Variants in BBS9 observed in about 807,000 individuals in gnomAD.
BBS9 encodes Bardet-Biedl syndrome 9, also known as protein PTHB1.
In BBS9, 89 loss-of-function variants were observed where a neutral mutation model predicts 117.7. The observed-to-expected ratio is 0.76, with a 90% CI of 0.64 to 0.90. BBS9 has a LOEUF of 0.90. Ranked by LOEUF, BBS9 falls within the 40% of genes least tolerant of loss-of-function variation. The probability of loss-of-function intolerance (pLI) is 0.00; values close to 1 mark genes in which losing one functional copy is unlikely to be tolerated. For synonymous variants in BBS9, 379 were observed against 370.9 expected, an observed-to-expected ratio of 1.02 and a Z score of -0.25; for missense variants, 982 against 1,042.2, an observed-to-expected ratio of 0.94 and a Z score of 0.80.
chr7:33,156,150 A>T (rs1333986597), intron 4 of BBS9, among the ~76,000 whole-genome samples: 1 of 152,138 alleles, frequency 6.6e-6, no homozygotes, highest in Non-Finnish European at 1.5e-5. Flanking sequence ...GGTTGTCTTC[A>T]CTCAGTCAGG....
intron 21 of BBS9, among the ~76,000 whole-genome samples, chr7:33,624,337 C>T (rs1865543634): frequency 1.3e-5 from 2 of 152,174 alleles, no homozygotes; most frequent in Admixed American, 6.5e-5. Flanking sequence ...CACCTCCACC[C>T]TCAACCCTTG....
At chr7:33,166,657 CCCACCTAGCCAGGCGTGGGAT>C (rs1286695579) in intron 4 of BBS9, among the ~76,000 whole-genome samples, 5 of 152,192 alleles carry the variant, frequency 3.3e-5, no homozygotes, top group Admixed American at 2.0e-4. Flanking sequence ...GGGCGTGGGA[CCCACCTAGCCAGGCGTGGGAT>C]CCACCTAGCC....
At chr7:33,294,384 T>C (rs1055075054) in intron 9 of BBS9, among the ~76,000 whole-genome samples, 1 of 151,356 alleles carries the variant, frequency 6.6e-6, no homozygotes, top group East Asian at 1.9e-4. Flanking sequence ...CATCCATCCA[T>C]CCATCCATCC....
intron 14 of BBS9, 90 bp from the exon 15 acceptor site, chr7:33,352,769 T>TA: frequency 7.2e-7 from 1 of 1,398,570 alleles, no homozygotes; most frequent in Non-Finnish European, 1.0e-6. Flanking sequence ...TTTAAGCAGA[T>TA]ATGTGTCAAA....
At chr7:33,181,533 T>C (rs1798096950) in intron 5 of BBS9, among the ~76,000 whole-genome samples, 1 of 152,260 alleles carries the variant, frequency 6.6e-6, no homozygotes, top group African/African-American at 2.4e-5. Flanking sequence ...CAATTTTAGT[T>C]TGATCATAAG....
chr7:33,388,326 A>G (rs1212988755), intron 19 of BBS9, among the ~76,000 whole-genome samples, 182 bp downstream of exon 19: 1 of 152,150 alleles, frequency 6.6e-6, no homozygotes, highest in Non-Finnish European at 1.5e-5. Flanking sequence ...GCTGCTTTCT[A>G]ATTGTGTGAC....
intron 7 of BBS9, among the ~76,000 whole-genome samples, chr7:33,270,226 C>T (rs960329598): frequency 8.5e-5 from 13 of 152,054 alleles, no homozygotes; most frequent in African/African-American, 2.7e-4. Context: ...TCAATTTACA[C>T]CTCACGAAAA....
chr7:33,452,121 A>G (rs1022131793), intron 19 of BBS9, among the ~76,000 whole-genome samples: 1 of 152,152 alleles, frequency 6.6e-6, no homozygotes, highest in Admixed American at 6.5e-5. Flanking sequence ...GGCGTGAGCC[A>G]CTGCACCTGG....
chr7:33,605,071 G>C (rs533091380), intron 22 of BBS9, 96 bp downstream of exon 22: 3 of 1,463,248 alleles, frequency 2.1e-6, no homozygotes, highest in Non-Finnish European at 2.9e-6. Context: ...CCGCAAAGCT[G>C]CTTGTTTTCC....
At chr7:33,289,872 T>C (rs900754292) in intron 9 of BBS9, among the ~76,000 whole-genome samples, 1 of 152,010 alleles carries the variant, frequency 6.6e-6, no homozygotes, top group Non-Finnish European at 1.5e-5. Context: ...TGAAACCCTG[T>C]CTCTACTAAA....
chr7:33,607,018 G>A (rs1000206998), downstream of BBS9, among the ~76,000 whole-genome samples: 6 of 152,064 alleles, frequency 3.9e-5, no homozygotes, highest in South Asian at 6.2e-4. Context: ...TTCATCTTCC[G>A]CTCTTTAGAA....
At chr7:33,341,107 T>C (rs1357557517) in intron 11 of BBS9, 134 bp downstream of exon 11, 5 of 733,890 alleles carry the variant, frequency 6.8e-6, no homozygotes, top group Non-Finnish European at 1.2e-5. Context: ...GTAGGCCTTG[T>C]TATTTTCTAG....
At chr7:33,241,033 T>C (rs1794429580) in intron 5 of BBS9, among the ~76,000 whole-genome samples, 2 of 152,160 alleles carry the variant, frequency 1.3e-5, no homozygotes, top group African/African-American at 4.8e-5. Context: ...AGGGAAAAGA[T>C]ACCATGTTAA....
intron 21 of BBS9, among the ~76,000 whole-genome samples, chr7:33,538,857 G>A (rs1057272445): frequency 4.6e-5 from 7 of 151,410 alleles, no homozygotes; most frequent in Non-Finnish European, 8.8e-5. Context: ...GGGTTCCATA[G>A]CTAGGTTGGC....
intron 5 of BBS9, among the ~76,000 whole-genome samples, chr7:33,215,443 C>A (rs1458119470): frequency 6.6e-6 from 1 of 152,066 alleles, no homozygotes; most frequent in East Asian, 1.9e-4. Context: ...TAACAATATG[C>A]AGAAGAATGA....
chr7:33,476,690 C>T (rs186526308), intron 19 of BBS9, among the ~76,000 whole-genome samples: 1 of 152,328 alleles, frequency 6.6e-6, no homozygotes, highest in Non-Finnish European at 1.5e-5. Flanking sequence ...CTAAACTCCA[C>T]ATCAAAGTCC....
At chr7:33,486,620 A>G (rs1300943574) in intron 19 of BBS9, among the ~76,000 whole-genome samples, 2 of 152,186 alleles carry the variant, frequency 1.3e-5, no homozygotes, top group African/African-American at 4.8e-5. Flanking sequence ...TTATTTCAGC[A>G]ATGAGAGATT....
chr7:33,364,551 T>C (rs993421149), intron 16 of BBS9, among the ~76,000 whole-genome samples: 10 of 152,038 alleles, frequency 6.6e-5, no homozygotes, highest in Non-Finnish European at 8.8e-5. Flanking sequence ...TAATCTGACT[T>C]TGAGTTCACA....
At chr7:33,206,660 A>G (rs934087849) in intron 5 of BBS9, among the ~76,000 whole-genome samples, 1 of 152,192 alleles carries the variant, frequency 6.6e-6, no homozygotes, top group South Asian at 2.1e-4. Context: ...ATATTCTTAT[A>G]TAACCACAGT....
Sources: allele counts gnomAD v4.1 joint callset (sites outside exome capture counted in the v4.1 genomes callset), GRCh38; gene constraint gnomAD v4.1.1; transcripts MANE v1.5; gene names NCBI Gene and HGNC (gene_info 2026-07-23, HGNC 2026-07-21).